Variants in CLSTN2 observed in about 807,000 individuals in gnomAD.
CLSTN2 encodes the protein calsyntenin 2.
A neutral mutation model predicts 101.2 loss-of-function variants in CLSTN2; 48 were observed. That is an observed-to-expected ratio of 0.47 (90% CI 0.38 to 0.60). The LOEUF is 0.60. Among genes scored for constraint, CLSTN2 ranks in the 20% least tolerant of loss-of-function variants. The pLI, the probability that CLSTN2 is intolerant of heterozygous loss-of-function variation, is 0.00. For missense variants in CLSTN2, 1,160 were observed against 1,238.2 expected, an observed-to-expected ratio of 0.94 and a Z score of 0.95; for synonymous variants, 481 against 463.6, an observed-to-expected ratio of 1.04 and a Z score of -0.48.
intron 2 of CLSTN2, among the ~76,000 whole-genome samples, chr3:140,214,153 A>T (rs559554772): frequency 2.0e-5 from 3 of 152,262 alleles, no homozygotes; most frequent in African/African-American, 7.2e-5. Flanking sequence ...TATAAAAAAA[A>T]AATAGGCTAG....
intron 5 of CLSTN2, among the ~76,000 whole-genome samples, chr3:140,430,072 G>T (rs2088613469): frequency 6.6e-6 from 1 of 152,158 alleles, no homozygotes; most frequent in Non-Finnish European, 1.5e-5. Context: ...CTACATGAAA[G>T]GCATTGATTT....
chr3:140,184,155 G>A (rs1364039888), intron 2 of CLSTN2, among the ~76,000 whole-genome samples: 1 of 152,144 alleles, frequency 6.6e-6, no homozygotes, highest in Non-Finnish European at 1.5e-5. Context: ...TTCTCCGTGT[G>A]TTCTTCCAGC....
chr3:140,107,639 C>T (rs1034916985), intron 1 of CLSTN2, among the ~76,000 whole-genome samples: 1 of 152,180 alleles, frequency 6.6e-6, no homozygotes, highest in Non-Finnish European at 1.5e-5. Context: ...CTGTTTGTCT[C>T]ATCAACCAGT....
intron 1 of CLSTN2, among the ~76,000 whole-genome samples, chr3:140,169,476 C>A (rs867760252): frequency 3.9e-5 from 6 of 152,022 alleles, no homozygotes; most frequent in African/African-American, 1.4e-4. Context: ...TGCCTTATTG[C>A]ACTGGTTAGA....
chr3:140,446,931 C>T (rs1308097346), intron 5 of CLSTN2, among the ~76,000 whole-genome samples: 2 of 152,324 alleles, frequency 1.3e-5, no homozygotes, highest in African/African-American at 4.8e-5. Flanking sequence ...TTGTTCACTG[C>T]TGTACCCTTT....
chr3:140,466,050 C>T (rs1933692923), intron 7 of CLSTN2, among the ~76,000 whole-genome samples: 1 of 152,156 alleles, frequency 6.6e-6, no homozygotes, highest in Non-Finnish European at 1.5e-5. Context: ...AGTCACAAAA[C>T]TATCTCTAAT....
At chr3:140,403,360 CA>C (rs2088264752) in intron 2 of CLSTN2, among the ~76,000 whole-genome samples, 1 of 152,132 alleles carries the variant, frequency 6.6e-6, no homozygotes, top group African/African-American at 2.4e-5. Context: ...AAGAGGAAAG[CA>C]GTGCTGCTCA....
chr3:139,982,250 C>G (rs7641890), intron 1 of CLSTN2, among the ~76,000 whole-genome samples: 1 of 151,594 alleles, frequency 6.6e-6, no homozygotes. Context: ...TATTACAGTC[C>G]GCCAAATGAA....
intron 2 of CLSTN2, among the ~76,000 whole-genome samples, chr3:140,268,110 A>G (rs1191857101): frequency 6.6e-6 from 1 of 152,160 alleles, no homozygotes; most frequent in East Asian, 1.9e-4. Context: ...ATCGGGGTGA[A>G]CCGCTGGCTG....
chr3:140,548,421 C>T lies in CLSTN2; in HGVS notation c.1674+1740C>T, dbSNP rs569194682. On this transcript the variant is annotated intron_variant, in intron 10 of 16. Coordinates refer to ENST00000458420, the MANE Select transcript of CLSTN2 (RefSeq NM_022131.3). ...AAAGACTGAAGGAGATGGGAACTTG[C>T]GTAAGATCCCAGAGTTAGTGATGAG... Among the ~76,000 whole-genome samples, 23 of 152,270 alleles carry T rather than the reference C, an allele frequency of 1.5e-4. No homozygotes were observed. The South Asian group carries it at 4.8e-3, about 32-fold the overall frequency.
chr3:139,936,881 C>G (rs1053579077), intron 1 of CLSTN2, among the ~76,000 whole-genome samples: 21 of 151,806 alleles, frequency 1.4e-4, no homozygotes. Context: ...CTTGGTGTAT[C>G]TTTGACAGGC....
intron 1 of CLSTN2, among the ~76,000 whole-genome samples, chr3:140,041,029 G>T (rs775570593): frequency 5.3e-5 from 8 of 152,272 alleles, no homozygotes; most frequent in Non-Finnish European, 1.0e-4. Context: ...TGGAGAAAAG[G>T]CACAGTAATA....
At chr3:140,244,051 G>A (rs2086494013) in intron 2 of CLSTN2, among the ~76,000 whole-genome samples, 1 of 152,164 alleles carries the variant, frequency 6.6e-6, no homozygotes, top group Admixed American at 6.6e-5. Context: ...AAGTGCCTGA[G>A]GTAAAGTAGA....
intron 1 of CLSTN2, among the ~76,000 whole-genome samples, chr3:140,169,091 G>A (rs898143865): frequency 5.9e-5 from 9 of 151,968 alleles, no homozygotes; most frequent in African/African-American, 7.2e-5. Flanking sequence ...GAAAATTAAC[G>A]TCTTAAGTAT....
At chr3:140,328,124 G>A (rs2087348442) in intron 2 of CLSTN2, among the ~76,000 whole-genome samples, 1 of 152,216 alleles carries the variant, frequency 6.6e-6, no homozygotes, top group Non-Finnish European at 1.5e-5. Flanking sequence ...AGGGAACTAT[G>A]TATCTTCTCC....
intron 1 of CLSTN2, among the ~76,000 whole-genome samples, chr3:140,121,902 C>G (rs2009346583): frequency 6.6e-6 from 1 of 152,182 alleles, no homozygotes; most frequent in Non-Finnish European, 1.5e-5. Flanking sequence ...CAGGCAGGAT[C>G]TGGCTTGATC....
At chr3:140,485,544 GC>G (rs1228577073) in intron 8 of CLSTN2, among the ~76,000 whole-genome samples, 1 of 152,166 alleles carries the variant, frequency 6.6e-6, no homozygotes, top group Non-Finnish European at 1.5e-5. Context: ...GCTATGCCCT[GC>G]CCCCAGAGGT....
rs1559884876 is a variant in CLSTN2 at position 140,490,086 on chromosome 3, G to GCA, written c.1344+23355_1344+23356insCA. On this transcript the variant is annotated intron_variant, in intron 8 of 16. Coordinates refer to ENST00000458420, the MANE Select transcript of CLSTN2 (RefSeq NM_022131.3). ...TGTGTGTGTGTGTGTGTGTGTGTGT[G>GCA]TGTATATATATATATATATATATAT... Among the ~76,000 whole-genome samples the GCA allele has an allele frequency of 3.2e-3, 26 of 8,062 alleles. 4 individuals are homozygous for GCA. The highest frequency in any genetic ancestry group is 0.017 in the South Asian group (3 of 172). The allele number at this position is 8,062 out of a possible 152,430, so 5.3% of individuals were successfully genotyped here.
At chr3:140,389,557 G>A (rs1458703708) in intron 2 of CLSTN2, among the ~76,000 whole-genome samples, 8 of 152,072 alleles carry the variant, frequency 5.3e-5, no homozygotes, top group South Asian at 2.1e-4. Flanking sequence ...AGTTGATTCC[G>A]TGTCTTTGTT....
Sources: gnomAD v4.1 joint callset for allele counts (sites outside exome capture counted in the v4.1 genomes callset) on GRCh38, gnomAD v4.1.1 for gene constraint, MANE v1.5 for transcripts, NCBI Gene and HGNC (gene_info 2026-07-23, HGNC 2026-07-21) for gene names.